The following MYO5C variants were observed in gnomAD, a reference collection of about 807,000 sequenced individuals.
MYO5C encodes the protein myosin VC.
Under a neutral mutation model 235.7 loss-of-function variants are expected in MYO5C, and 194 were observed. That is an observed-to-expected ratio of 0.82 (90% CI 0.73 to 0.93). The LOEUF (loss-of-function observed/expected upper bound fraction) is 0.93. MYO5C is among the 40% of genes least tolerant of loss of function. The pLI is 0.00. For synonymous variants in MYO5C, 707 were observed against 754.8 expected, an observed-to-expected ratio of 0.94 and a Z score of 1.04; for missense variants, 2,038 against 2,127.2, an observed-to-expected ratio of 0.96 and a Z score of 0.82.
intron 26 of MYO5C, 58 bp downstream of exon 26, chr15:52,225,381 C>T: frequency 7.3e-7 from 1 of 1,371,736 alleles, no homozygotes; most frequent in Non-Finnish European, 1.0e-6. Flanking sequence ...TTAGCAGCGA[C>T]ACAGCTATGA....
At chr15:52,281,586 C>T (rs938886639) in intron 2 of MYO5C, among the ~76,000 whole-genome samples, 15 of 152,230 alleles carry the variant, frequency 9.9e-5, no homozygotes, top group African/African-American at 3.6e-4. Flanking sequence ...TGCCTTCAAA[C>T]ATGCACACAG....
chr15:52,216,644 GAAAA>G (rs113865164), intron 32 of MYO5C, among the ~76,000 whole-genome samples: 2 of 146,672 alleles, frequency 1.4e-5, no homozygotes, highest in Non-Finnish European at 3.0e-5. Flanking sequence ...AAAGAGTCTG[GAAAA>G]AAAAAAGAAA....
At chr15:52,259,450 A>G (rs1449036963) in intron 10 of MYO5C, among the ~76,000 whole-genome samples, 1 of 151,980 alleles carries the variant, frequency 6.6e-6, no homozygotes. Flanking sequence ...AAAGAAAGAA[A>G]TAATATACTG....
chr15:52,261,569 G>C lies in MYO5C; in HGVS notation c.1048-442C>G, dbSNP rs74015651. On this transcript the variant is annotated intron_variant, in intron 9 of 40. Transcript: ENST00000261839. ...CCTCGTGTGGCCAGGGGTTTGCCTG[G>C]ATGGTTGGTCCAGGAGGTACCCAGG... is the stretch of plus-strand genomic sequence containing the variant. Among the ~76,000 whole-genome samples the C allele has an allele frequency of 5.6e-3, 853 of 152,350 alleles. 9 individuals carry two copies. The highest frequency in any genetic ancestry group is 0.02 in the African/African-American group (816 of 41,570).
intron 30 of MYO5C, 59 bp from the exon 31 acceptor site, chr15:52,219,881 G>T: frequency 1.4e-6 from 2 of 1,379,894 alleles, no homozygotes; most frequent in South Asian, 2.4e-5. Context: ...ATTCTGATTT[G>T]GGTTTGGTAT....
At chr15:52,219,254 G>A (rs1354406460) in intron 31 of MYO5C, among the ~76,000 whole-genome samples, 2 of 152,174 alleles carry the variant, frequency 1.3e-5, no homozygotes, top group Non-Finnish European at 2.9e-5. Flanking sequence ...TCCCCACAAG[G>A]CTCTGCCAGG....
At chr15:52,246,864 T>G in intron 16 of MYO5C, 53 bp downstream of exon 16, 2 of 1,458,528 alleles carry the variant, frequency 1.4e-6, no homozygotes, top group South Asian at 2.4e-5. Context: ...TCCAACTTTA[T>G]GGCAGAAACT....
In MYO5C at chr15:52,233,305, A is replaced by T. The variant is rs1254715425; in HGVS notation, c.2963-620T>A. 1.4e-5 allele frequency among the ~76,000 whole-genome samples: 2 copies of T among 144,420 alleles called. 1 individual carries two copies. The highest frequency in any genetic ancestry group is 3.0e-5 in the Non-Finnish European group (2 of 67,282). 94.7% of individuals were successfully genotyped at this position (144,420 alleles called of 152,430 possible). On this transcript the variant is annotated intron_variant, in intron 23 of 40. Coordinates refer to ENST00000261839, the MANE Select transcript of MYO5C (RefSeq NM_018728.4). ...AAAAAAAAAAAAAAAAAATTAAAAA[A>T]AAAAAAAAATAAATAAATAAATAGA... is the stretch of plus-strand genomic sequence containing the variant.
intron 25 of MYO5C, among the ~76,000 whole-genome samples, chr15:52,227,667 C>T (rs2035860207): frequency 6.6e-6 from 1 of 152,168 alleles, no homozygotes; most frequent in Non-Finnish European, 1.5e-5. Context: ...GACTGACTGA[C>T]ATCAGGCTCA....
rs1456024892 is a variant in MYO5C at position 52,213,218 on chromosome 15, C to T, written c.4111G>A (p.Glu1371Lys). ...LGMLQYKRED[E>K]AKLIQNLILD... ...ATGAGGTTCTGAATGAGCTTGGCCTCGTCTTCTCTCTTGTATTGCAGCATT... is the reference window on the plus strand; with the variant it reads ...ATGAGGTTCTGAATGAGCTTGGCCTTGTCTTCTCTCTTGTATTGCAGCATT... Residue 1371 changes from glutamate to lysine, a missense_variant, in exon 34 of 41, where the codon GAG becomes AAG. Physicochemically the swap from Glu to Lys is moderately conservative, Grantham distance 56. Transcript: ENST00000261839. 1.1e-5 allele frequency: 17 copies of T among 1,614,088 alleles called. No individual in the cohort carries two copies. Among genetic ancestry groups the T allele is most frequent in the Non-Finnish European group, 1.3e-5 (15 of 1,179,970 alleles).
chr15:52,256,969 C>G, intron 10 of MYO5C: 1 of 422,722 alleles, frequency 2.4e-6, no homozygotes, highest in Non-Finnish European at 4.3e-6. Flanking sequence ...TTAAAATAAG[C>G]ATGTCACCAT....
At chr15:52,272,473 C>A in intron 6 of MYO5C, 107 bp downstream of exon 6, 5 of 1,074,936 alleles carry the variant, frequency 4.7e-6, no homozygotes, top group South Asian at 3.7e-5. Flanking sequence ...ACAAGAAAAC[C>A]CTACTCTTCA....
In MYO5C at chr15:52,274,677, C is replaced by CCA. The variant is rs548110669; in HGVS notation, c.606+884_606+885insTG. Among the ~76,000 whole-genome samples the CCA allele has an allele frequency of 2.9e-4, 43 of 148,970 alleles. 1 individual carries two copies. Among genetic ancestry groups the CCA allele is most frequent in the Non-Finnish European group, 5.2e-4 (35 of 67,552 alleles). ...TTTGCAGTGTTTCTTAGTACCCCCCCCCCGACATATGTTTCTATTTAATTT... is the reference window on the plus strand; with the variant it reads ...TTTGCAGTGTTTCTTAGTACCCCCCCCACCCGACATATGTTTCTATTTAATTT... On this transcript the variant is annotated intron_variant, in intron 5 of 40. Coordinates refer to ENST00000261839, the MANE Select transcript of MYO5C (RefSeq NM_018728.4).
Position 52,218,538 on chromosome 15 carries a change from C to G in MYO5C, c.3935G>C (p.Arg1312Pro). ...TCTCACCCTGTTTTCCAAAGTGAGC[C>G]GGGATGCTTCCTGCCGGAAGTTACA... is the stretch of plus-strand genomic sequence containing the variant. ...VKCNFRQEAS[R>P]LTLENRDLEE... Residue 1312 changes from arginine (R) to proline (P), a missense_variant, in exon 32 of 41, where the codon CGG becomes CCG. Physicochemically the swap from Arg to Pro is moderately radical, Grantham distance 103 (BLOSUM62 -2). Coordinates refer to ENST00000261839, the MANE Select transcript of MYO5C (RefSeq NM_018728.4). 6.2e-7 allele frequency: 1 copy of G among 1,614,166 alleles called. No homozygotes were observed. Among genetic ancestry groups the G allele is most frequent in the Non-Finnish European group, 8.5e-7 (1 of 1,180,024 alleles).
In MYO5C at chr15:52,282,903, G is replaced by T. The variant is rs773229487; in HGVS notation, c.28-11C>A. 22 of 1,573,808 alleles carry T rather than the reference G, an allele frequency of 1.4e-5. No homozygotes were observed. Among genetic ancestry groups the T allele is most frequent in the Non-Finnish European group, 1.8e-5 (21 of 1,143,410 alleles). ...CCAGACCCTGTTGTACTGACCAACAGGATGAGAAAAGCTGAATTTCAGGAC... is the reference window on the plus strand; with the variant it reads ...CCAGACCCTGTTGTACTGACCAACATGATGAGAAAAGCTGAATTTCAGGAC... On this transcript the variant is annotated splice_polypyrimidine_tract_variant and intron_variant, in intron 1 of 40. Coordinates refer to ENST00000261839, the MANE Select transcript of MYO5C (RefSeq NM_018728.4).
chr15:52,264,733 A>T (rs954755594), intron 8 of MYO5C, among the ~76,000 whole-genome samples: 4 of 151,938 alleles, frequency 2.6e-5, no homozygotes, highest in African/African-American at 4.8e-5. Flanking sequence ...GCCCCAGGGG[A>T]CTTGGTATAA....
chr15:52,232,960 T>G (rs2035998976), intron 23 of MYO5C, among the ~76,000 whole-genome samples: 1 of 152,198 alleles, frequency 6.6e-6, no homozygotes, highest in African/African-American at 2.4e-5. Flanking sequence ...AAGTAGATAT[T>G]GGCTTTGAGA....
At position 52,226,054 on chromosome 15, in the gene MYO5C, A is replaced by G. The variant is rs116410140; in HGVS notation, c.3208-522T>C. Among the ~76,000 whole-genome samples, 699 of 150,388 alleles carry G rather than the reference A, an allele frequency of 4.6e-3. 5 individuals are homozygous for G. Among genetic ancestry groups the G allele is most frequent in the African/African-American group, 0.015 (613 of 41,228 alleles). ...AACAAGAGCAAAACTCCACCTCGAA[A>G]AAAAAAAAAATTAACTTCCCTGTTA... On this transcript the variant is annotated intron_variant, in intron 25 of 40. Coordinates refer to ENST00000261839, the MANE Select transcript of MYO5C (RefSeq NM_018728.4).
intron 23 of MYO5C, among the ~76,000 whole-genome samples, chr15:52,235,087 A>T (rs1300320648): frequency 6.7e-6 from 1 of 150,290 alleles, no homozygotes; most frequent in South Asian, 2.1e-4. Flanking sequence ...GGCTAAGCGT[A>T]GCTGTTCCAC....
Sources: gnomAD v4.1 joint callset for allele counts (sites outside exome capture counted in the v4.1 genomes callset) on GRCh38, gnomAD v4.1.1 for gene constraint, MANE v1.5 for transcripts, NCBI Gene and HGNC (gene_info 2026-07-23, HGNC 2026-07-21) for gene names.